ZNF112: variants seen among roughly 807,000 people sequenced by gnomAD.
The protein encoded by ZNF112 is zinc finger protein 112 (Y14).
ZNF112 carries 37 observed loss-of-function variants against 77.7 expected under a neutral mutation model. The ratio of observed to expected loss-of-function variants is 0.48; its 90% confidence interval spans 0.37 to 0.63. The LOEUF is 0.63. Among genes scored for constraint, ZNF112 ranks in the 20% least tolerant of loss-of-function variants. The probability of loss-of-function intolerance (pLI) is 0.00; values close to 1 mark genes in which losing one functional copy is unlikely to be tolerated. For synonymous variants in ZNF112, 333 were observed against 363.6 expected (o/e 0.92, Z 0.96); for missense variants, 950 against 1,077.4 (o/e 0.88, Z 1.66).
chr19:44,361,945 G>T (rs2123228813), intron 1 of ZNF112, among the ~76,000 whole-genome samples: 1 of 152,114 alleles, frequency 6.6e-6, no homozygotes, highest in Non-Finnish European at 1.5e-5. Flanking sequence ...CCCTAAAACT[G>T]CTCTTAAAAT....
intron 3 of ZNF112, among the ~76,000 whole-genome samples, chr19:44,332,304 G>GT (rs1243863792): frequency 2.6e-5 from 4 of 152,182 alleles, no homozygotes; most frequent in African/African-American, 9.7e-5. Context: ...TGATGAATCT[G>GT]TATCACTAGG....
In ZNF112 at chr19:44,327,461, T is replaced by C; in HGVS notation, c.2696A>G (p.His899Arg). 1.2e-6 allele frequency: 2 copies of C among 1,610,036 alleles called. No homozygotes were observed. Among genetic ancestry groups the C allele is most frequent in the Non-Finnish European group, 1.7e-6 (2 of 1,178,162 alleles). The change falls in exon 4 of 4, where the codon CAC (histidine) becomes CGC (arginine). Residue 899 changes from histidine to arginine, a missense_variant. Physicochemically the swap from His to Arg is conservative, Grantham distance 29 (BLOSUM62 0). Transcript: ENST00000354340. Reference sequence around the variant, plus strand: ...AAACAAAACAGAATCTTCATTTCTGTGTAGATTCTCTGATGAAGGGTAGTC... The same window carrying C: ...AAACAAAACAGAATCTTCATTTCTGCGTAGATTCTCTGATGAAGGGTAGTC... ...GKDYPSSENLHRNEDSVLF is the reference protein window; with the variant it reads ...GKDYPSSENLRRNEDSVLF
intron 1 of ZNF112, among the ~76,000 whole-genome samples, chr19:44,343,901 A>T (rs1469839134): frequency 6.6e-6 from 1 of 152,232 alleles, no homozygotes; most frequent in Non-Finnish European, 1.5e-5. Flanking sequence ...TCTGGACAGC[A>T]GAGATTACTG....
rs1970135581 is a variant in ZNF112 at position 44,327,041 on chromosome 19, T to C, written c.*392A>G. On this transcript the variant is annotated 3_prime_UTR_variant, in exon 4 of 4. Transcript: ENST00000354340. ...TTAAAAATTTCAAACCTTTTACCTT[T>C]ACATACTTTTAGTTATTTAGCAAAA... 1 of 160,458 alleles carries C rather than the reference T, an allele frequency of 6.2e-6. No individual in the cohort carries two copies. The highest frequency in any genetic ancestry group is 1.4e-5 in the Non-Finnish European group (1 of 73,694). The allele number at this position is 160,458 out of a possible 1,614,324, so 9.9% of individuals were successfully genotyped here. A position where few individuals can be genotyped will look rare whatever the true frequency, so the allele number is the denominator to read the frequency against.
chr19:44,343,967 A>T (rs1245161947), intron 1 of ZNF112, among the ~76,000 whole-genome samples: 1 of 152,212 alleles, frequency 6.6e-6, no homozygotes, highest in South Asian at 2.1e-4. Context: ...CTGGCTTCTT[A>T]CTTTTGTTGC....
In ZNF112 at chr19:44,328,732, G is replaced by C; in HGVS notation, c.1425C>G (p.Ser475Arg). 1.9e-6 allele frequency: 3 copies of C among 1,613,936 alleles called. No individual in the cohort carries two copies. The highest frequency in any genetic ancestry group is 2.5e-6 in the Non-Finnish European group (3 of 1,179,934). The change falls in exon 4 of 4, where the codon AGC becomes AGG. Residue 475 changes from serine (S) to arginine (R), a missense_variant. Coordinates refer to ENST00000354340, the MANE Select transcript of ZNF112 (RefSeq NM_013380.4). ...GATGACCTTGAAGATATAAATTATGGCTGAAGCTGTTACTACACACATAGC... is the reference window on the plus strand; with the variant it reads ...GATGACCTTGAAGATATAAATTATGCCTGAAGCTGTTACTACACACATAGC... Reference protein sequence around the residue: ...YKRYVCSNSFSHNLYLQGHPK... With the variant: ...YKRYVCSNSFRHNLYLQGHPK...
At chr19:44,335,662 T>C (rs1970352428) in intron 3 of ZNF112, among the ~76,000 whole-genome samples, 1 of 152,202 alleles carries the variant, frequency 6.6e-6, no homozygotes, top group African/African-American at 2.4e-5. Flanking sequence ...AGAGCACATG[T>C]GGCCAGGAAA....
intron 3 of ZNF112, 70 bp downstream of exon 3, chr19:44,336,553 A>C: frequency 7.7e-7 from 1 of 1,297,822 alleles, no homozygotes; most frequent in Non-Finnish European, 1.1e-6. Flanking sequence ...TAAACAGAGA[A>C]GTGATGTGTT....
intron 2 of ZNF112, 28 bp downstream of exon 2, chr19:44,340,388 T>C (rs537593055): frequency 2.5e-6 from 4 of 1,609,942 alleles, no homozygotes; most frequent in Admixed American, 3.4e-5. Context: ...GAGGCTGCCA[T>C]TGAGTAACTA....
rs764464914 is a variant in ZNF112 at position 44,340,402 on chromosome 19, G to A, written c.124+14C>T. The A allele has an allele frequency of 6.2e-7, 1 of 1,612,536 alleles. No individual in the cohort carries two copies. The highest frequency in any genetic ancestry group is 1.1e-5 in the South Asian group (1 of 90,966). The stretch of plus-strand genomic sequence containing the variant: ...GGAGGCTGCCATTGAGTAACTAAGG[G>A]CACCTATCCTCACCTACTAAGAGCA... On this transcript the variant is annotated intron_variant, in intron 2 of 3. Coordinates refer to ENST00000354340, the MANE Select transcript of ZNF112 (RefSeq NM_013380.4).
upstream of ZNF112, among the ~76,000 whole-genome samples, chr19:44,361,055 T>G (rs1272788157): frequency 6.6e-6 from 1 of 152,162 alleles, no homozygotes; most frequent in Non-Finnish European, 1.5e-5. Context: ...CCATGATGAC[T>G]CCCATAAATA....
At chr19:44,338,363 C>T (rs1970427091) in intron 2 of ZNF112, among the ~76,000 whole-genome samples, 1 of 152,102 alleles carries the variant, frequency 6.6e-6, no homozygotes, top group Admixed American at 6.6e-5. Flanking sequence ...TCAGCAGGTG[C>T]TTAATCTACA....
In ZNF112 at chr19:44,328,252, T is replaced by G; in HGVS notation, c.1905A>C (p.Glu635Asp). 6.2e-7 allele frequency: 1 copy of G among 1,613,696 alleles called. No homozygotes were observed. Among genetic ancestry groups the G allele is most frequent in the Non-Finnish European group, 8.5e-7 (1 of 1,179,900 alleles). ...AGCTCCAACTGAACCCCTTCCCACA[T>G]TCCTCACATTTGAATGGTTTTTCTC... Reference protein sequence around the residue: ...HTGEKPFKCEECGKGFSWSFN... With the variant: ...HTGEKPFKCEDCGKGFSWSFN... The change falls in exon 4 of 4, where the codon GAA (glutamate) becomes GAC (aspartate). Residue 635 changes from glutamate (E) to aspartate (D), a missense_variant. Around this residue, in one of 3 missense-constraint regions of ZNF112, gnomAD observed 373 missense variants for 482.8 expected, o/e 0.77. Coordinates refer to ENST00000354340, the MANE Select transcript of ZNF112 (RefSeq NM_013380.4).
At chr19:44,334,402 T>A (rs559347007) in intron 3 of ZNF112, among the ~76,000 whole-genome samples, 1 of 152,324 alleles carries the variant, frequency 6.6e-6, no homozygotes, top group South Asian at 2.1e-4. Context: ...TGCAGCCTGA[T>A]CATGTGGTAG....
At chr19:44,334,671 T>A (rs1477999764) in intron 3 of ZNF112, among the ~76,000 whole-genome samples, 1 of 152,242 alleles carries the variant, frequency 6.6e-6, no homozygotes, top group Non-Finnish European at 1.5e-5. Flanking sequence ...GTTCCAGCCA[T>A]GGCTAAAAGG....
intron 1 of ZNF112, among the ~76,000 whole-genome samples, chr19:44,347,334 A>G (rs1416860112): frequency 2.6e-5 from 4 of 151,994 alleles, no homozygotes; most frequent in Non-Finnish European, 5.9e-5. Context: ...CAATCTTACA[A>G]TATATTTTAA....
intron 1 of ZNF112, among the ~76,000 whole-genome samples, chr19:44,341,597 G>A (rs1216370490): frequency 6.6e-6 from 1 of 152,134 alleles, no homozygotes; most frequent in Non-Finnish European, 1.5e-5. Context: ...AATTTGGGAA[G>A]TAAAAATCAT....
At chr19:44,346,915 A>T (rs1970600464) in intron 1 of ZNF112, among the ~76,000 whole-genome samples, 1 of 152,210 alleles carries the variant, frequency 6.6e-6, no homozygotes, top group Admixed American at 6.5e-5. Flanking sequence ...TTGTTGATAG[A>T]GTGCTCTACA....
rs938944674 is a variant in ZNF112, at chr19:44,328,672, C to T, written c.1485G>A (p.Glu495=). 2 of 1,614,002 alleles carry T rather than the reference C, an allele frequency of 1.2e-6. No individual in the cohort carries two copies. Among genetic ancestry groups the T allele is most frequent in the South Asian group, 1.1e-5 (1 of 91,090 alleles). ...KIHIGEKPRK[E]HGNGFNWSSK... ...AGCTCCAGTTGAAGCCATTCCCATG[C>T]TCCTTACGTGGTTTCTCTCCAATGT... Residue 495 remains glutamate, a synonymous_variant, in exon 4 of 4, where the codon GAG becomes GAA. Transcript: ENST00000354340.
Sources: gnomAD v4.1 joint callset for allele counts (sites outside exome capture counted in the v4.1 genomes callset) on GRCh38, gnomAD v4.1.1 for gene constraint, gnomAD v4.1.1 regional missense constraint, MANE v1.5 for transcripts, NCBI Gene and HGNC (gene_info 2026-07-23, HGNC 2026-07-21) for gene names.